Variants in ERAP1 observed in about 807,000 individuals in gnomAD.
The protein encoded by ERAP1 is endoplasmic reticulum aminopeptidase 1.
ERAP1 carries 86 observed loss-of-function variants against 103.7 expected under a neutral mutation model. The ratio of observed to expected loss-of-function variants is 0.83; its 90% CI spans 0.70 to 0.99. The LOEUF (loss-of-function observed/expected upper bound fraction) is 0.99, where lower values mean the gene tolerates loss of function less well. ERAP1 is among the 50% of genes least tolerant of loss of function. The pLI is 0.00. For missense variants in ERAP1, 1,009 were observed against 1,128.4 expected (o/e 0.89, Z 1.52); for synonymous variants, 398 against 402.4 (o/e 0.99, Z 0.13).
the ERAP1 span, among the ~76,000 whole-genome samples, chr5:96,875,538 A>AG: frequency 6.7e-6 from 1 of 148,578 alleles, no homozygotes; most frequent in African/African-American, 2.4e-5. Flanking sequence ...CCTATCTCAA[A>AG]AAAAAAAAAA....
the ERAP1 span, among the ~76,000 whole-genome samples, chr5:96,878,425 C>T: frequency 6.6e-6 from 1 of 151,516 alleles, no homozygotes; most frequent in Non-Finnish European, 1.5e-5. Context: ...ATCTGGTATC[C>T]AAAGAATATA....
At chr5:96,895,510 G>C in the ERAP1 span, 2 of 644,182 alleles carry the variant, frequency 3.1e-6, no homozygotes, top group African/African-American at 3.8e-5. Context: ...ACAGATCACA[G>C]AACTGGATGA....
the ERAP1 span, among the ~76,000 whole-genome samples, chr5:96,846,878 T>A: frequency 6.6e-6 from 1 of 152,144 alleles, no homozygotes; most frequent in African/African-American, 2.4e-5. Flanking sequence ...CTGAAGGTTC[T>A]ATTTGGATGC....
the ERAP1 span, chr5:96,901,833 C>T: frequency 1.3e-6 from 1 of 743,972 alleles, no homozygotes; most frequent in Non-Finnish European, 2.1e-6. Context: ...ATTTAAAGAG[C>T]TTCATATAAC....
Position 96,795,112 on chromosome 5 carries a change from C to CAGT in ERAP1, c.846_848dup (p.Leu283dup). On this transcript the variant is annotated inframe_insertion, in exon 5 of 19. Transcript: ENST00000443439. Reference sequence around the variant, plus strand: ...ATTCTAGAAGAGTCACCGCAGCATCCAGTGCATAATCTGCTTGATTTATCT... The same window carrying CAGT: ...ATTCTAGAAGAGTCACCGCAGCATCCAGTAGTGCATAATCTGCTTGATTTATCT... The CAGT allele has an allele frequency of 6.2e-7, 1 of 1,613,928 alleles. No individual in the cohort carries two copies. The highest frequency in any genetic ancestry group is 8.5e-7 in the Non-Finnish European group (1 of 1,179,954).
chr5:96,892,974 T>C, the ERAP1 span, among the ~76,000 whole-genome samples: 8 of 152,136 alleles, frequency 5.3e-5, no homozygotes, highest in Non-Finnish European at 7.4e-5. Context: ...AAAATTAAGT[T>C]AATAATAGTT....
At chr5:96,853,851 A>AAAG in the ERAP1 span, among the ~76,000 whole-genome samples, 1 of 17,898 alleles carries the variant, frequency 5.6e-5, no homozygotes, top group Admixed American at 4.4e-4. Flanking sequence ...TAAAAGTTCT[A>AAAG]AAAAAAAAAA....
At chr5:96,765,780 G>A (rs956260610) in intron 19 of ERAP1, among the ~76,000 whole-genome samples, 5 of 151,620 alleles carry the variant, frequency 3.3e-5, no homozygotes, top group Non-Finnish European at 7.4e-5. Context: ...CATGGTTTCT[G>A]AAGATAATTA....
At chr5:96,770,080 C>T (rs1771700275), downstream of ERAP1, 1 of 158,448 alleles carries the variant, frequency 6.3e-6, no homozygotes, top group East Asian at 1.7e-4. Context: ...GGGTATATAC[C>T]CAGAAGAGGG....
the ERAP1 span, among the ~76,000 whole-genome samples, chr5:96,878,615 G>GAC: frequency 2.0e-5 from 3 of 151,558 alleles, no homozygotes; most frequent in Admixed American, 6.6e-5. Context: ...GCAACATGGT[G>GAC]ACACATTGTC....
At position 96,776,085 on chromosome 5, in the gene ERAP1, G is replaced by A. The variant is rs1391272567; in HGVS notation, c.*311C>T. 7.7e-7 allele frequency: 1 copy of A among 1,292,592 alleles called. No individual in the cohort carries two copies. Among genetic ancestry groups the A allele is most frequent in the African/African-American group, 1.5e-5 (1 of 66,486 alleles). The allele number at this position is 1,292,592 out of a possible 1,614,324, so 80.1% of individuals were successfully genotyped here. Reference sequence around the variant, plus strand: ...TTATGAATGATAAACATGGGGTACAGGGTTTTGGACACGGGTGCTTAAGCA... The same window carrying A: ...TTATGAATGATAAACATGGGGTACAAGGTTTTGGACACGGGTGCTTAAGCA... On this transcript the variant is annotated 3_prime_UTR_variant, in exon 19 of 19. Coordinates refer to ENST00000443439, the MANE Select transcript of ERAP1 (RefSeq NM_001040458.3).
At chr5:96,811,101 C>T (rs1251352854), upstream of ERAP1, among the ~76,000 whole-genome samples, 1 of 151,696 alleles carries the variant, frequency 6.6e-6, no homozygotes, top group Non-Finnish European at 1.5e-5. Context: ...TTTTTAAATG[C>T]CAATTTAAAA....
At chr5:96,807,980 C>G (rs1778854993), upstream of ERAP1, 1 of 985,658 alleles carries the variant, frequency 1.0e-6, no homozygotes, top group African/African-American at 1.7e-5. Flanking sequence ...CGCTGAGCGG[C>G]GCTTCGGCCC....
intron 13 of ERAP1, chr5:96,784,733 CTA>C (rs1233756934): frequency 6.5e-6 from 1 of 153,852 alleles, no homozygotes; most frequent in East Asian, 1.9e-4. Flanking sequence ...GTCAAACAGA[CTA>C]TCATCTGGTC....
the ERAP1 span, among the ~76,000 whole-genome samples, chr5:96,864,696 T>C: frequency 3.2e-4 from 48 of 152,332 alleles, no homozygotes; most frequent in African/African-American, 1.1e-3. Flanking sequence ...GAAATTATCC[T>C]TTTTAGTCAG....
the ERAP1 span, among the ~76,000 whole-genome samples, chr5:96,844,960 A>T: frequency 6.6e-6 from 1 of 152,334 alleles, no homozygotes; most frequent in Admixed American, 6.5e-5. Context: ...TTGGGTGAGA[A>T]AAATTATGTC....
At chr5:96,925,913 T>TC in the ERAP1 span, among the ~76,000 whole-genome samples, 1 of 141,224 alleles carries the variant, frequency 7.1e-6, no homozygotes, top group Non-Finnish European at 1.6e-5. Context: ...ATAATTTGCT[T>TC]TTTTTTTTTT....
chr5:96,932,324 A>G, the ERAP1 span, among the ~76,000 whole-genome samples: 1 of 152,198 alleles, frequency 6.6e-6, no homozygotes, highest in Non-Finnish European at 1.5e-5. Context: ...TCAATGAATT[A>G]ATGTATTGTT....
chr5:96,810,995 C>CA (rs375112061), upstream of ERAP1, among the ~76,000 whole-genome samples: 57 of 152,290 alleles, frequency 3.7e-4, no homozygotes, highest in Non-Finnish European at 7.1e-4. Context: ...AGGGCAGCTC[C>CA]ACCCAGTCAG....
Sources: gnomAD v4.1 joint callset for allele counts (sites outside exome capture counted in the v4.1 genomes callset) on GRCh38, gnomAD v4.1.1 for gene constraint, MANE v1.5 for transcripts, NCBI Gene and HGNC (gene_info 2026-07-23, HGNC 2026-07-21) for gene names.